MACROD2: variants seen among roughly 807,000 people sequenced by gnomAD.
The protein encoded by MACROD2 is ADP-ribose glycohydrolase MACROD2.
A neutral mutation model predicts 70.4 loss-of-function variants in MACROD2; 36 were observed. The ratio of observed to expected loss-of-function variants is 0.51; its 90% CI spans 0.39 to 0.68. The LOEUF (loss-of-function observed/expected upper bound fraction) is 0.68. Ranked by LOEUF, MACROD2 falls within the 30% of genes least tolerant of loss-of-function variation. The pLI, the probability that MACROD2 is intolerant of heterozygous loss-of-function variation, is 0.00. For missense variants in MACROD2, 496 were observed against 538.4 expected (o/e 0.92, Z 0.78); for synonymous variants, 172 against 178.8 (o/e 0.96, Z 0.30).
At chr20:14,959,177 G>A (rs1194917749) in intron 5 of MACROD2, among the ~76,000 whole-genome samples, 1 of 152,092 alleles carries the variant, frequency 6.6e-6, no homozygotes, top group African/African-American at 2.4e-5. Flanking sequence ...TGTTGCCCAG[G>A]CTGGAGTGCA....
At chr20:15,618,974 A>C (rs981419360) in intron 8 of MACROD2, among the ~76,000 whole-genome samples, 5 of 152,162 alleles carry the variant, frequency 3.3e-5, no homozygotes, top group Admixed American at 3.3e-4. Context: ...GGTTGGCTGG[A>C]GATGAAACCA....
chr20:15,693,723 A>G lies in MACROD2; in HGVS notation c.646-169022A>G, dbSNP rs111884330. ...TATTTCTTTTTTAAAAATTATTATT[A>G]TTATTTTCATAAGTTATTGGGGTAC... is the stretch of plus-strand genomic sequence containing the variant. On this transcript the variant is annotated intron_variant, in intron 8 of 17. Transcript: ENST00000684519. 7.3e-3 allele frequency among the ~76,000 whole-genome samples: 1,108 copies of G among 152,080 alleles called. 19 individuals are homozygous for G. The highest frequency in any genetic ancestry group is 0.025 in the African/African-American group (1,030 of 41,482).
intron 7 of MACROD2, among the ~76,000 whole-genome samples, chr20:15,486,077 A>T (rs2047159283): frequency 6.6e-6 from 1 of 152,124 alleles, no homozygotes; most frequent in Non-Finnish European, 1.5e-5. Flanking sequence ...CATGTATTTT[A>T]TAATTTCTTC....
chr20:16,048,285 G>C (rs1223368053), intron 17 of MACROD2, among the ~76,000 whole-genome samples: 2 of 151,888 alleles, frequency 1.3e-5, no homozygotes, highest in African/African-American at 2.4e-5. Context: ...TAAGAGAGTA[G>C]GAAATTTTGA....
chr20:14,997,249 C>T (rs6110488), intron 5 of MACROD2, among the ~76,000 whole-genome samples: 2 of 152,182 alleles, frequency 1.3e-5, no homozygotes, highest in African/African-American at 4.8e-5. Context: ...AGGCAGAGTC[C>T]TGAGGCCCCC....
intron 8 of MACROD2, among the ~76,000 whole-genome samples, chr20:15,759,220 A>T (rs1254486719): frequency 1.3e-5 from 2 of 151,826 alleles, no homozygotes; most frequent in African/African-American, 4.8e-5. Flanking sequence ...ATGTTCAAAG[A>T]TGCCTCTGTG....
chr20:15,260,153 C>A (rs968220013), intron 6 of MACROD2, among the ~76,000 whole-genome samples: 2 of 151,668 alleles, frequency 1.3e-5, no homozygotes, highest in African/African-American at 4.8e-5. Flanking sequence ...CAATGGCACT[C>A]TTTTAGTTAT....
At chr20:15,217,279 T>C (rs1052200694) in intron 5 of MACROD2, among the ~76,000 whole-genome samples, 4 of 152,196 alleles carry the variant, frequency 2.6e-5, no homozygotes, top group Non-Finnish European at 5.9e-5. Context: ...GTAGAAGTAC[T>C]AGTGATAAGT....
At chr20:15,748,126 G>A (rs1015788587) in intron 8 of MACROD2, among the ~76,000 whole-genome samples, 2 of 152,030 alleles carry the variant, frequency 1.3e-5, no homozygotes, top group South Asian at 4.2e-4. Context: ...CTTTCTTAAT[G>A]CATCTGCTTA....
intron 8 of MACROD2, among the ~76,000 whole-genome samples, chr20:15,847,215 T>C (rs1002758289): frequency 6.6e-6 from 1 of 152,216 alleles, no homozygotes; most frequent in Non-Finnish European, 1.5e-5. Context: ...TTGTTTTTAA[T>C]GAATAAATCA....
At chr20:14,424,279 C>CT (rs1235043342) in intron 3 of MACROD2, among the ~76,000 whole-genome samples, 4 of 151,922 alleles carry the variant, frequency 2.6e-5, no homozygotes, top group Admixed American at 6.6e-5. Context: ...TTGTATCCCC[C>CT]TTTTTTAAAT....
chr20:14,504,543 T>A (rs913647088), intron 4 of MACROD2, among the ~76,000 whole-genome samples: 1 of 152,202 alleles, frequency 6.6e-6, no homozygotes, highest in African/African-American at 2.4e-5. Flanking sequence ...CTTCTTATTC[T>A]GATTTTTTCT....
chr20:15,250,219 C>T (rs2077143101), intron 6 of MACROD2, among the ~76,000 whole-genome samples: 3 of 152,186 alleles, frequency 2.0e-5, no homozygotes, highest in African/African-American at 7.2e-5. Context: ...GCTTAAGGTG[C>T]ACTTCTGCTA....
intron 2 of MACROD2, among the ~76,000 whole-genome samples, chr20:14,019,228 G>A (rs1019423736): frequency 7.9e-5 from 12 of 152,152 alleles, no homozygotes; most frequent in Admixed American, 5.2e-4. Flanking sequence ...TAGGAGACTG[G>A]AGTTTTACTA....
rs373436859 is a variant in MACROD2 at position 14,432,161 on chromosome 20, C to T, written c.272-61318C>T. Among the ~76,000 whole-genome samples, 19 of 152,266 alleles carry T rather than the reference C, an allele frequency of 1.2e-4. No individual in the cohort carries two copies. The East Asian group carries it at 3.7e-3, about 29-fold the overall frequency. On this transcript the variant is annotated intron_variant, in intron 3 of 17. Transcript: ENST00000684519. ...GTGCTCGCCTGCTGTTATCACGGCA[C>T]TTCCCCTTGCTCTAGCCATGCTGTT...
chr20:14,819,856 C>A (rs1344613480), intron 5 of MACROD2, among the ~76,000 whole-genome samples: 1 of 151,970 alleles, frequency 6.6e-6, no homozygotes, highest in Non-Finnish European at 1.5e-5. Context: ...AGAGTGGAGA[C>A]AGAAGAAGCC....
intron 5 of MACROD2, among the ~76,000 whole-genome samples, chr20:15,091,591 G>C (rs2075793587): frequency 6.6e-6 from 1 of 151,842 alleles, no homozygotes; most frequent in South Asian, 2.1e-4. Context: ...CATGTTAACT[G>C]GAATAATGGG....
chr20:16,036,075 C>G (rs1207417866), intron 15 of MACROD2, among the ~76,000 whole-genome samples: 1 of 151,868 alleles, frequency 6.6e-6, no homozygotes, highest in East Asian at 1.9e-4. Context: ...ATAGGTATGG[C>G]AAAAGTTGTC....
intron 5 of MACROD2, among the ~76,000 whole-genome samples, chr20:14,812,704 A>G (rs2072729487): frequency 6.6e-6 from 1 of 152,092 alleles, no homozygotes; most frequent in South Asian, 2.1e-4. Context: ...CTCCGCTCAA[A>G]CATCACTCAA....
Sources: gnomAD v4.1 joint callset for allele counts (sites outside exome capture counted in the v4.1 genomes callset) on GRCh38, gnomAD v4.1.1 for gene constraint, MANE v1.5 for transcripts, NCBI Gene and HGNC (gene_info 2026-07-23, HGNC 2026-07-21) for gene names.